The following BCAR3 variants were observed in gnomAD, a reference collection of about 807,000 sequenced individuals.
BCAR3 encodes BCAR3 adaptor protein, NSP family member, also known as breast cancer anti-estrogen resistance protein 3.
BCAR3 carries 37 observed loss-of-function variants against 80.1 expected under a neutral mutation model. The ratio of observed to expected loss-of-function variants is 0.46; its 90% CI spans 0.36 to 0.61. The LOEUF (loss-of-function observed/expected upper bound fraction) is 0.61. BCAR3 is among the 20% of genes least tolerant of loss of function. BCAR3 has a pLI of 0.00. For synonymous variants in BCAR3, 389 were observed against 418.9 expected, an observed-to-expected ratio of 0.93 and a Z score of 0.87; for missense variants, 978 against 1,068.2, an observed-to-expected ratio of 0.92 and a Z score of 1.18.
At chr1:93,775,203 A>T (rs1221303797) in intron 2 of BCAR3, 1 of 152,134 alleles carries the variant, frequency 6.6e-6, no homozygotes, top group African/African-American at 2.4e-5. Context: ...TTACCTAACG[A>T]CCAGAGGCAG....
At chr1:93,688,777 T>C (rs1343041713) in intron 3 of BCAR3, among the ~76,000 whole-genome samples, 1 of 127,246 alleles carries the variant, frequency 7.9e-6, no homozygotes, top group Non-Finnish European at 1.5e-5. Context: ...TTTTTGTTTG[T>C]TTTTGTTTGT....
chr1:93,608,782 T>G lies in BCAR3; in HGVS notation c.358-16389A>C, dbSNP rs74963070. Among the ~76,000 whole-genome samples the G allele has an allele frequency of 1.3e-3, 205 of 152,320 alleles. 1 individual carries two copies. The East Asian group carries it at 0.015, about 11-fold the overall frequency. Reference sequence around the variant, plus strand: ...GCCAATGGAATGCATTTAAGCCTCTTTCAAAAAGCTACACTGTCCTTTCTT... The same window carrying G: ...GCCAATGGAATGCATTTAAGCCTCTGTCAAAAAGCTACACTGTCCTTTCTT... On this transcript the variant is annotated intron_variant, in intron 3 of 11. Coordinates refer to ENST00000260502, the MANE Select transcript of BCAR3 (RefSeq NM_003567.4).
At chr1:93,846,375 G>A (rs1655179923) in intron 1 of BCAR3, among the ~76,000 whole-genome samples, 1 of 152,224 alleles carries the variant, frequency 6.6e-6, no homozygotes, top group Admixed American at 6.5e-5. Context: ...CTCCGTAGGC[G>A]GGGCCGGGAC....
intron 3 of BCAR3, among the ~76,000 whole-genome samples, chr1:93,599,910 T>A (rs1388292036): frequency 6.6e-6 from 1 of 152,194 alleles, no homozygotes; most frequent in Non-Finnish European, 1.5e-5. Flanking sequence ...CCCCACTGTT[T>A]AGATTACTGT....
intron 2 of BCAR3, among the ~76,000 whole-genome samples, chr1:93,653,193 T>C (rs145570276): frequency 1.3e-5 from 2 of 152,384 alleles, no homozygotes; most frequent in East Asian, 1.9e-4. Flanking sequence ...TCTTTAATTA[T>C]TGAATAAATT....
chr1:93,567,507 TAG>T lies in BCAR3; in HGVS notation c.2087-18_2087-17del, dbSNP rs1256545937. ...CATGTGGACTCTGAAGAATAAGGAG[TAG>T]AGTTTTCCATATCACATGTTTTCCA... On this transcript the variant is annotated splice_polypyrimidine_tract_variant and intron_variant, in intron 10 of 11. Transcript: ENST00000260502. 1.9e-6 allele frequency: 3 copies of T among 1,611,048 alleles called. No homozygotes were observed. Among genetic ancestry groups the T allele is most frequent in the South Asian group, 1.1e-5 (1 of 91,006 alleles).
chr1:93,690,285 G>A (rs548799294), intron 3 of BCAR3, among the ~76,000 whole-genome samples: 2 of 152,220 alleles, frequency 1.3e-5, no homozygotes, highest in African/African-American at 2.4e-5. Flanking sequence ...TTTCTTTCAT[G>A]TTATTCTAAA....
intron 2 of BCAR3, among the ~76,000 whole-genome samples, chr1:93,842,163 T>TTC (rs397699829): frequency 0.011 from 1,579 of 141,606 alleles, 32 homozygotes; most frequent in African/African-American, 0.038. Context: ...TTTTTTTTTT[T>TTC]CCCCAGAGAT....
At chr1:93,622,489 T>C (rs1298696019) in intron 3 of BCAR3, among the ~76,000 whole-genome samples, 3 of 152,260 alleles carry the variant, frequency 2.0e-5, no homozygotes, top group South Asian at 4.1e-4. Flanking sequence ...TCATCTGCAA[T>C]AGTCCATCAG....
At chr1:93,738,230 G>A (rs148140293) in intron 2 of BCAR3, among the ~76,000 whole-genome samples, 1 of 152,132 alleles carries the variant, frequency 6.6e-6, no homozygotes, top group African/African-American at 2.4e-5. Context: ...TTCAAAGTAG[G>A]GACAATATTA....
Position 93,613,253 on chromosome 1 carries a change from C to A in BCAR3, c.358-20860G>T, listed in dbSNP as rs540625671. Reference sequence around the variant, plus strand: ...GAACACAGGCCTCATCTTGAATTAGCCAAAGGAGGTTCTCTGAATATTTTC... The same window carrying A: ...GAACACAGGCCTCATCTTGAATTAGACAAAGGAGGTTCTCTGAATATTTTC... On this transcript the variant is annotated intron_variant, in intron 3 of 11. Transcript: ENST00000260502. 6.6e-5 allele frequency among the ~76,000 whole-genome samples: 10 copies of A among 152,264 alleles called. No individual in the cohort carries two copies. In the East Asian group the frequency reaches 1.9e-3, roughly 29 times the overall value.
At chr1:93,661,820 C>T (rs1157452392) in intron 2 of BCAR3, among the ~76,000 whole-genome samples, 2 of 152,208 alleles carry the variant, frequency 1.3e-5, no homozygotes, top group South Asian at 2.1e-4. Flanking sequence ...AACTATAAAA[C>T]TTCTAGATGT....
At chr1:93,810,448 A>G (rs376048600) in intron 2 of BCAR3, among the ~76,000 whole-genome samples, 3 of 152,078 alleles carry the variant, frequency 2.0e-5, no homozygotes, top group Admixed American at 6.5e-5. Flanking sequence ...CTTCCCATCC[A>G]TCTCTCAAAG....
At position 93,680,545 on chromosome 1, in the gene BCAR3, G is replaced by C. The variant is rs955286617; in HGVS notation, c.-12+1053C>G. ...TCAACTCAGTCCCAGGCAACACAAG[G>C]GAGGCTATCAGCTCCCAAAATGACC... On this transcript the variant is annotated intron_variant, in intron 1 of 11. Coordinates refer to ENST00000260502, the MANE Select transcript of BCAR3 (RefSeq NM_003567.4). Among the ~76,000 whole-genome samples, 7 of 152,192 alleles carry C rather than the reference G, an allele frequency of 4.6e-5. No individual in the cohort carries two copies. In the South Asian group the frequency reaches 1.4e-3, roughly 32 times the overall value.
intron 2 of BCAR3, among the ~76,000 whole-genome samples, chr1:93,662,431 G>T (rs1181157950): frequency 6.6e-6 from 1 of 151,850 alleles, no homozygotes; most frequent in Non-Finnish European, 1.5e-5. Flanking sequence ...ACTAGGTTTG[G>T]TTTGCTGTTT....
At chr1:93,781,993 AG>A (rs1266762915) in intron 2 of BCAR3, among the ~76,000 whole-genome samples, 1 of 152,188 alleles carries the variant, frequency 6.6e-6, no homozygotes, top group Non-Finnish European at 1.5e-5. Context: ...TTTTGCCCAA[AG>A]CCCTTACTGA....
chr1:93,739,261 A>G (rs888339240), intron 2 of BCAR3, among the ~76,000 whole-genome samples: 146 of 152,278 alleles, frequency 9.6e-4, no homozygotes, highest in African/African-American at 3.4e-3. Context: ...AGAGCCACAG[A>G]GGAGCCTGTG....
intron 2 of BCAR3, among the ~76,000 whole-genome samples, chr1:93,760,894 T>C (rs1651921802): frequency 1.3e-5 from 2 of 152,278 alleles, no homozygotes; most frequent in East Asian, 1.9e-4. Context: ...CAGATTTCCA[T>C]TTCATGGCAC....
intron 2 of BCAR3, among the ~76,000 whole-genome samples, chr1:93,658,087 C>T (rs923682999): frequency 6.6e-6 from 1 of 151,948 alleles, no homozygotes; most frequent in Non-Finnish European, 1.5e-5. Flanking sequence ...ATTACAGGTG[C>T]CCACCACCAC....
Sources: allele counts gnomAD v4.1 joint callset (sites outside exome capture counted in the v4.1 genomes callset), GRCh38; gene constraint gnomAD v4.1.1; transcripts MANE v1.5; gene names NCBI Gene and HGNC (gene_info 2026-07-23, HGNC 2026-07-21).